The following BMP3 variants were observed in gnomAD, a reference collection of about 807,000 sequenced individuals.
The protein encoded by BMP3 is bone morphogenetic protein 3, also known as bone morphogenetic protein 3 (osteogenic).
A neutral mutation model predicts 38.1 loss-of-function variants in BMP3; 23 were observed. That is an observed-to-expected ratio of 0.60 (90% CI 0.43 to 0.86). BMP3 has a LOEUF of 0.86. BMP3 is among the 40% of genes least tolerant of loss of function. The pLI is 0.00. For synonymous variants in BMP3, 258 were observed against 225.7 expected (o/e 1.14, Z -1.28); for missense variants, 628 against 579.6 (o/e 1.08, Z -0.86).
At chr4:81,040,505 C>T (rs1740040718) in intron 1 of BMP3, among the ~76,000 whole-genome samples, 1 of 152,208 alleles carries the variant, frequency 6.6e-6, no homozygotes, top group Non-Finnish European at 1.5e-5. Flanking sequence ...CACCGTTAGA[C>T]TGCATTCTCA....
chr4:81,031,065 G>A lies in BMP3; in HGVS notation c.-220G>A, dbSNP rs1038802478. 1.8e-6 allele frequency: 1 copy of A among 555,394 alleles called. No homozygotes were observed. Among genetic ancestry groups the A allele is most frequent in the Non-Finnish European group, 3.1e-6 (1 of 321,978 alleles). The allele number at this position is 555,394 out of a possible 1,614,324, so 34.4% of individuals were successfully genotyped here. On this transcript the variant is annotated 5_prime_UTR_variant, in exon 1 of 3. Transcript: ENST00000282701. ...GCAGCGCCCTGCGCGGGTGAGGTCC[G>A]CGCAGCTGCTGGGGAAGAGCCCACC...
Position 81,053,443 on chromosome 4 carries a change from G to A in BMP3, c.1326G>A (p.Met442Ile). Residue 442 changes from methionine (M) to isoleucine (I), a missense_variant, in exon 3 of 3, where the codon ATG becomes ATA. Transcript: ENST00000282701. The stretch of plus-strand genomic sequence containing the variant: ...AGCCTTGCTGTGTACCAGAAAAGAT[G>A]TCCTCACTCAGTATTTTATTCTTTG... ...IPEPCCVPEKMSSLSILFFDE... is the reference protein window; with the variant it reads ...IPEPCCVPEKISSLSILFFDE... 6.2e-7 allele frequency: 1 copy of A among 1,611,020 alleles called. No homozygotes were observed. Among genetic ancestry groups the A allele is most frequent in the East Asian group, 2.2e-5 (1 of 44,710 alleles).
At chr4:81,046,709 A>G (rs1411198773) in intron 2 of BMP3, 61 bp downstream of exon 2, 1 of 1,523,408 alleles carries the variant, frequency 6.6e-7, no homozygotes, top group Non-Finnish European at 8.8e-7. Flanking sequence ...AGACACATTG[A>G]CTAAGTTAGT....
chr4:81,048,499 C>T (rs1740320050), intron 2 of BMP3, among the ~76,000 whole-genome samples: 1 of 152,142 alleles, frequency 6.6e-6, no homozygotes, highest in South Asian at 2.1e-4. Flanking sequence ...TGCAGAGATA[C>T]TCTGTTAGTT....
chr4:81,050,063 G>A (rs1197074431), intron 2 of BMP3, among the ~76,000 whole-genome samples: 3 of 152,140 alleles, frequency 2.0e-5, no homozygotes, highest in African/African-American at 7.2e-5. Context: ...CCAAATTCCA[G>A]GCTTTGCCCT....
At chr4:81,053,214 A>T in intron 2 of BMP3, 131 bp from the exon 3 acceptor site, 1 of 613,390 alleles carries the variant, frequency 1.6e-6, no homozygotes, top group Non-Finnish European at 2.6e-6. Flanking sequence ...GGCTTAATGT[A>T]TAATGATGCC....
intron 2 of BMP3, among the ~76,000 whole-genome samples, chr4:81,050,557 C>G (rs568630912): frequency 4.2e-4 from 64 of 151,566 alleles, no homozygotes; most frequent in African/African-American, 1.4e-3. Flanking sequence ...CTATAAATAG[C>G]AAACACATAG....
intron 2 of BMP3, among the ~76,000 whole-genome samples, chr4:81,050,942 A>T: frequency 6.6e-6 from 1 of 152,118 alleles, no homozygotes. Context: ...TACACCAGCA[A>T]ATTACCGGAT....
intron 1 of BMP3, among the ~76,000 whole-genome samples, chr4:81,038,750 T>TA (rs1382444663): frequency 1.3e-5 from 2 of 152,184 alleles, no homozygotes; most frequent in Admixed American, 1.3e-4. Context: ...TTAAATCTGT[T>TA]AAGTTTAGAG....
At chr4:81,035,873 G>C (rs1339013619) in intron 1 of BMP3, among the ~76,000 whole-genome samples, 1 of 151,930 alleles carries the variant, frequency 6.6e-6, no homozygotes, top group East Asian at 1.9e-4. Flanking sequence ...CTTTCTCCTG[G>C]AGAAAGCATT....
In BMP3 at chr4:81,054,350, A is replaced by C. The variant is rs6831641; in HGVS notation, c.*814A>C. 130,099 of 152,564 alleles carry C rather than the reference A, an allele frequency of 0.85. 56,265 individuals are homozygous for C. The highest frequency in any genetic ancestry group is 0.93 in the Non-Finnish European group (63,128 of 67,988). The allele number at this position is 152,564 out of a possible 1,614,324, so 9.5% of individuals were successfully genotyped here. A position where few individuals can be genotyped will look rare whatever the true frequency, so the allele number is the denominator to read the frequency against. On this transcript the variant is annotated 3_prime_UTR_variant, in exon 3 of 3. Transcript: ENST00000282701. ...ATTTCCTACCAGAAAAAGGAATCAG[A>C]AACCTAGTTTTTGAAAACACAAGTG...
chr4:81,045,630 G>A (rs1740208656), intron 1 of BMP3, 108 bp from the exon 2 acceptor site: 1 of 950,310 alleles, frequency 1.1e-6, no homozygotes, highest in Non-Finnish European at 1.5e-6. Flanking sequence ...AAAATTTCAT[G>A]GATTTAGTTC....
chr4:81,046,710 CTAAG>C, intron 2 of BMP3, 62 bp downstream of exon 2: 1 of 1,522,062 alleles, frequency 6.6e-7, no homozygotes, highest in Non-Finnish European at 8.9e-7. Context: ...GACACATTGA[CTAAG>C]TTAGTGTGCA....
intron 2 of BMP3, among the ~76,000 whole-genome samples, chr4:81,050,697 A>G (rs1479476675): frequency 6.6e-6 from 1 of 152,190 alleles, no homozygotes; most frequent in African/African-American, 2.4e-5. Flanking sequence ...ATCTCTGGTC[A>G]TAAAAATGAA....
In BMP3 at chr4:81,046,490, A is replaced by G; in HGVS notation, c.1069A>G (p.Lys357Glu). The G allele has an allele frequency of 6.2e-7, 1 of 1,614,096 alleles. No individual in the cohort carries two copies. The highest frequency in any genetic ancestry group is 8.5e-7 in the Non-Finnish European group (1 of 1,179,984). The change falls in exon 2 of 3, where the codon AAA becomes GAA. Residue 357 changes from lysine to glutamate, a missense_variant. Coordinates refer to ENST00000282701, the MANE Select transcript of BMP3 (RefSeq NM_001201.5). Reference sequence around the variant, plus strand: ...GCTCCAATTTGATGAGCAGACCCTGAAAAAGGCAAGGAGAAAGCAGTGGAT... The same window carrying G: ...GCTCCAATTTGATGAGCAGACCCTGGAAAAGGCAAGGAGAAAGCAGTGGAT... ...QTLQFDEQTL[K>E]KARRKQWIEP... is the part of the protein sequence containing the mutation.
rs1159031107 is a variant in BMP3, at chr4:81,056,262, C to T, written c.*2726C>T. ...TGCATAATACTCTCTCTCTCTCTTC[C>T]CCCACAAGTAATCTCTCTACCCCAT... is the stretch of plus-strand genomic sequence containing the variant. On this transcript the variant is annotated 3_prime_UTR_variant, in exon 3 of 3. Transcript: ENST00000282701. 2.0e-5 allele frequency: 3 copies of T among 151,958 alleles called. No homozygotes were observed. Among genetic ancestry groups the T allele is most frequent in the Non-Finnish European group, 4.4e-5 (3 of 68,014 alleles). The allele number at this position is 151,958 out of a possible 1,614,324, so 9.4% of individuals were successfully genotyped here. A position where few individuals can be genotyped will look rare whatever the true frequency, so the allele number is the denominator to read the frequency against.
Position 81,031,268 on chromosome 4 carries a change from C to G in BMP3, c.-17C>G, listed in dbSNP as rs1397088402. 1.9e-6 allele frequency: 3 copies of G among 1,570,550 alleles called. No individual in the cohort carries two copies. The South Asian group carries it at 3.6e-5, about 19-fold the overall frequency. On this transcript the variant is annotated 5_prime_UTR_variant, in exon 1 of 3. Coordinates refer to ENST00000282701, the MANE Select transcript of BMP3 (RefSeq NM_001201.5). ...GCAGCGACGCCGGGAGCCGACGCGC[C>G]GCGCGGGTACCTAGCCATGGCTGGG...
chr4:81,032,687 A>G (rs958799035), intron 1 of BMP3, among the ~76,000 whole-genome samples: 2 of 152,244 alleles, frequency 1.3e-5, no homozygotes, highest in Admixed American at 1.3e-4. Context: ...GAAATCTCCC[A>G]AAGTTTTGAT....
At position 81,056,706 on chromosome 4, in the gene BMP3, A is replaced by G. The variant is rs1740580250; in HGVS notation, c.*3170A>G. The G allele has an allele frequency of 1.3e-5, 2 of 152,604 alleles. No homozygotes were observed. Among genetic ancestry groups the G allele is most frequent in the Non-Finnish European group, 2.9e-5 (2 of 68,040 alleles). 9.5% of individuals were successfully genotyped at this position (152,604 alleles called of 1,614,324 possible). ...AGATCTCAGGACTATAACATTCCAG[A>G]TAAATTTTTACATTCCCTTTGCTGT... On this transcript the variant is annotated 3_prime_UTR_variant, in exon 3 of 3. Coordinates refer to ENST00000282701, the MANE Select transcript of BMP3 (RefSeq NM_001201.5).
Sources: allele counts gnomAD v4.1 joint callset (sites outside exome capture counted in the v4.1 genomes callset), GRCh38; gene constraint gnomAD v4.1.1; transcripts MANE v1.5; gene names NCBI Gene and HGNC (gene_info 2026-07-23, HGNC 2026-07-21).